Variants in EYS observed in about 807,000 individuals in gnomAD.
EYS encodes the protein EGF-like photoreceptor maintenance factor, also known as protein eyes shut homolog.
A neutral mutation model predicts 282.1 loss-of-function variants in EYS; 250 were observed. The observed-to-expected ratio is 0.89, with a 90% confidence interval of 0.80 to 0.98. The LOEUF is 0.98. EYS is among the 50% of genes least tolerant of loss of function. The pLI is 0.00. For synonymous variants in EYS, 1,355 were observed against 1,282.9 expected (o/e 1.06, Z -1.20); for missense variants, 4,016 against 3,709.0 (o/e 1.08, Z -2.15).
intron 31 of EYS, among the ~76,000 whole-genome samples, chr6:64,215,283 C>G (rs745492478): frequency 5.9e-5 from 9 of 151,718 alleles, no homozygotes; most frequent in Non-Finnish European, 1.3e-4. Flanking sequence ...GCTATGATAA[C>G]CATGAGGAAG....
Position 64,394,176 on chromosome 6 carries a change from G to T in EYS, c.5928-5336C>A, listed in dbSNP as rs532875759. Among the ~76,000 whole-genome samples, 175 of 152,340 alleles carry T rather than the reference G, an allele frequency of 1.1e-3. 1 individual carries two copies. The highest frequency in any genetic ancestry group is 1.8e-3 in the Non-Finnish European group (121 of 68,036). On this transcript the variant is annotated intron_variant, in intron 28 of 42. Coordinates refer to ENST00000503581, the MANE Select transcript of EYS (RefSeq NM_001142800.2). ...AACATTCCATGCTCATGGGTAGGAA[G>T]AATCAATATTGTGAAAATGGCCATA... is the stretch of plus-strand genomic sequence containing the variant.
intron 29 of EYS, among the ~76,000 whole-genome samples, chr6:64,324,193 A>G (rs548368715): frequency 2.0e-4 from 31 of 152,306 alleles, no homozygotes; most frequent in Non-Finnish European, 4.3e-4. Context: ...TGGAAACTTC[A>G]GGCCAATATC....
chr6:63,899,718 C>A (rs1773615355), intron 35 of EYS, among the ~76,000 whole-genome samples: 1 of 152,104 alleles, frequency 6.6e-6, no homozygotes, highest in African/African-American at 2.4e-5. Context: ...CACAGTGCAC[C>A]CTCATTTTAG....
intron 26 of EYS, among the ~76,000 whole-genome samples, chr6:64,539,862 G>A (rs1764643912): frequency 6.6e-6 from 1 of 152,202 alleles, no homozygotes; most frequent in South Asian, 2.1e-4. Context: ...CATTGCTTCT[G>A]ATGCCCTTCA....
In EYS at chr6:64,451,708, C is replaced by G. The variant is rs147989716; in HGVS notation, c.5645-12356G>C. Among the ~76,000 whole-genome samples, 10 of 152,222 alleles carry G rather than the reference C, an allele frequency of 6.6e-5. No homozygotes were observed. In the East Asian group the frequency reaches 1.7e-3, roughly 26 times the overall value. On this transcript the variant is annotated intron_variant, in intron 26 of 42. Transcript: ENST00000503581. ...CGGGATGCAAGGCTGGTTCAACATA[C>G]GAAAATCAATAAACGTAATCCAGCA...
intron 39 of EYS, chr6:63,787,448 C>T (rs73451343): frequency 3.7e-4 from 56 of 152,300 alleles, no homozygotes; most frequent in African/African-American, 1.3e-3. Context: ...TTAAAAAGCA[C>T]CCTGTATAAA....
chr6:64,186,315 T>A (rs1022217486), intron 31 of EYS, among the ~76,000 whole-genome samples: 1 of 151,936 alleles, frequency 6.6e-6, no homozygotes, highest in Non-Finnish European at 1.5e-5. Context: ...ATCAAAATCA[T>A]GTTTAAAGAA....
chr6:65,615,560 C>A (rs183464966), intron 2 of EYS, among the ~76,000 whole-genome samples: 33 of 151,650 alleles, frequency 2.2e-4, no homozygotes, highest in African/African-American at 5.3e-4. Flanking sequence ...TTCTTGAGAC[C>A]AGATATATAT....
At chr6:65,194,043 T>C (rs1233725057) in intron 12 of EYS, among the ~76,000 whole-genome samples, 1 of 151,982 alleles carries the variant, frequency 6.6e-6, no homozygotes, top group Admixed American at 6.6e-5. Context: ...CTTCATCTGA[T>C]GAGATAGGAT....
At chr6:64,939,384 A>T (rs2150091900) in intron 15 of EYS, among the ~76,000 whole-genome samples, 1 of 152,034 alleles carries the variant, frequency 6.6e-6, no homozygotes, top group East Asian at 1.9e-4. Context: ...CTCCTGAAAC[A>T]TTTATACATT....
chr6:64,270,443 T>C (rs1348790147), intron 30 of EYS, among the ~76,000 whole-genome samples: 3 of 152,034 alleles, frequency 2.0e-5, no homozygotes, highest in East Asian at 1.9e-4. Context: ...TTTGGGGTAT[T>C]GAGAGGTGAA....
At chr6:65,269,228 G>C (rs569807984) in intron 12 of EYS, among the ~76,000 whole-genome samples, 1 of 152,184 alleles carries the variant, frequency 6.6e-6, no homozygotes, top group African/African-American at 2.4e-5. Context: ...CACATTGTGT[G>C]TCCCACTTCC....
intron 5 of EYS, among the ~76,000 whole-genome samples, chr6:65,447,572 T>C (rs1299222208): frequency 1.4e-5 from 2 of 143,690 alleles, no homozygotes; most frequent in Non-Finnish European, 3.1e-5. Context: ...GTGCTCTTTG[T>C]ATTTTTTTAT....
chr6:63,885,023 G>A (rs1256194798), intron 35 of EYS, among the ~76,000 whole-genome samples: 1 of 152,000 alleles, frequency 6.6e-6, no homozygotes, highest in Non-Finnish European at 1.5e-5. Context: ...CTTTCCATTT[G>A]CATCTCATGC....
chr6:65,688,312 G>A (rs1769107500), intron 1 of EYS, among the ~76,000 whole-genome samples: 1 of 152,112 alleles, frequency 6.6e-6, no homozygotes, highest in Non-Finnish European at 1.5e-5. Flanking sequence ...TGACAAGGCT[G>A]ACAAAAACAA....
rs116332341 is a variant in EYS at position 65,703,119 on chromosome 6, C to A, written c.-448+4016G>T. On this transcript the variant is annotated intron_variant, in intron 1 of 42. Coordinates refer to ENST00000503581, the MANE Select transcript of EYS (RefSeq NM_001142800.2). ...CCTAGATCTTCAGCAGCTGGCCATG[C>A]AAATATCAGACATGCCAACCTGCAC... Among the ~76,000 whole-genome samples, 756 of 152,222 alleles carry A rather than the reference C, an allele frequency of 5.0e-3. 6 individuals carry two copies. The highest frequency in any genetic ancestry group is 0.017 in the African/African-American group (713 of 41,530).
chr6:64,203,763 GT>G (rs1331533696), intron 31 of EYS, among the ~76,000 whole-genome samples: 1 of 152,164 alleles, frequency 6.6e-6, no homozygotes, highest in Non-Finnish European at 1.5e-5. Flanking sequence ...TATTTGACTT[GT>G]TTCAGGTCTA....
At chr6:65,160,374 A>G (rs1764824354) in intron 12 of EYS, among the ~76,000 whole-genome samples, 1 of 150,958 alleles carries the variant, frequency 6.6e-6, no homozygotes, top group South Asian at 2.1e-4. Context: ...TTAATTCTTC[A>G]TGAAACCTTT....
intron 31 of EYS, among the ~76,000 whole-genome samples, chr6:64,100,746 T>G (rs1772797110): frequency 6.6e-6 from 1 of 152,200 alleles, no homozygotes; most frequent in South Asian, 2.1e-4. Context: ...GTTAGAACCC[T>G]GAACCTTACA....
Sources: gnomAD v4.1 joint callset for allele counts (sites outside exome capture counted in the v4.1 genomes callset) on GRCh38, gnomAD v4.1.1 for gene constraint, MANE v1.5 for transcripts, NCBI Gene and HGNC (gene_info 2026-07-23, HGNC 2026-07-21) for gene names.